Variants in SLC25A48 observed in about 807,000 individuals in gnomAD.
SLC25A48 encodes solute carrier family 25 member 48.
A neutral mutation model predicts 32.2 loss-of-function variants in SLC25A48; 29 were observed. That is an observed-to-expected ratio of 0.90 (90% CI 0.67 to 1.23). The LOEUF (loss-of-function observed/expected upper bound fraction) is 1.23, where lower values mean the gene tolerates loss of function less well. SLC25A48 is among the 50% of genes most tolerant of loss of function. The pLI, the probability that SLC25A48 is intolerant of heterozygous loss-of-function variation, is 0.00. For synonymous variants in SLC25A48, 164 were observed against 172.3 expected (o/e 0.95, Z 0.38); for missense variants, 399 against 422.7 (o/e 0.94, Z 0.49).
At chr5:135,708,225 A>G (rs1253650646) in intron 3 of SLC25A48, among the ~76,000 whole-genome samples, 2 of 152,188 alleles carry the variant, frequency 1.3e-5, no homozygotes, top group African/African-American at 2.4e-5. Flanking sequence ...AACCACACCT[A>G]TGTACCCATC....
At chr5:135,882,200 T>C (rs1230336305) in intron 7 of SLC25A48, among the ~76,000 whole-genome samples, 1 of 152,264 alleles carries the variant, frequency 6.6e-6, no homozygotes, top group Non-Finnish European at 1.5e-5. Flanking sequence ...TATTGCCTCC[T>C]GGTGGGAGAG....
At chr5:135,661,639 A>G (rs1345224944) in intron 3 of SLC25A48, among the ~76,000 whole-genome samples, 1 of 152,164 alleles carries the variant, frequency 6.6e-6, no homozygotes, top group Non-Finnish European at 1.5e-5. Context: ...AGGAGTAACC[A>G]CTATCAACTG....
intron 1 of SLC25A48, among the ~76,000 whole-genome samples, chr5:135,611,237 C>T (rs924650919): frequency 2.6e-5 from 4 of 152,044 alleles, no homozygotes; most frequent in African/African-American, 2.4e-5. Flanking sequence ...GGCCGGGGTG[C>T]GGTGACTTGT....
intron 4 of SLC25A48, among the ~76,000 whole-genome samples, chr5:135,867,111 T>C (rs1761262796): frequency 6.6e-6 from 1 of 152,232 alleles, no homozygotes; most frequent in South Asian, 2.1e-4. Flanking sequence ...ATTTGATTAA[T>C]GTTTTAATCC....
chr5:135,730,294 A>G (rs2126990962), intron 3 of SLC25A48, among the ~76,000 whole-genome samples: 1 of 152,234 alleles, frequency 6.6e-6, no homozygotes, highest in Non-Finnish European at 1.5e-5. Context: ...AAGGTAGTTG[A>G]CTCATGGGGG....
chr5:135,722,276 T>C (rs1209344530), intron 3 of SLC25A48, among the ~76,000 whole-genome samples: 1 of 152,202 alleles, frequency 6.6e-6, no homozygotes, highest in Non-Finnish European at 1.5e-5. Flanking sequence ...GCCAGGCTGT[T>C]TGGGTGTTTG....
intron 4 of SLC25A48, among the ~76,000 whole-genome samples, chr5:135,817,907 T>C (rs1057268261): frequency 5.3e-5 from 8 of 152,180 alleles, no homozygotes; most frequent in African/African-American, 1.9e-4. Context: ...CCACTTACTA[T>C]ACCAAAAACT....
intron 3 of SLC25A48, among the ~76,000 whole-genome samples, chr5:135,693,644 TG>T (rs1381861115): frequency 6.6e-6 from 1 of 152,210 alleles, no homozygotes; most frequent in Non-Finnish European, 1.5e-5. Flanking sequence ...TGTTACCACC[TG>T]ACACCACCCG....
At chr5:135,868,563 CA>C (rs1160916235) in intron 4 of SLC25A48, among the ~76,000 whole-genome samples, 1 of 152,008 alleles carries the variant, frequency 6.6e-6, no homozygotes, top group Non-Finnish European at 1.5e-5. Flanking sequence ...TATTTTTCAA[CA>C]TATTTAGGGG....
chr5:135,683,375 A>G (rs1753944007), intron 3 of SLC25A48, among the ~76,000 whole-genome samples: 2 of 152,230 alleles, frequency 1.3e-5, no homozygotes, highest in Admixed American at 1.3e-4. Flanking sequence ...CTCTCACTGG[A>G]AAGTCCCAAT....
chr5:135,827,383 A>T (rs1409128556), intron 4 of SLC25A48: 1 of 152,228 alleles, frequency 6.6e-6, no homozygotes, highest in Non-Finnish European at 1.5e-5. Context: ...AGAAAGAGAG[A>T]GAAATCAATC....
upstream of SLC25A48, among the ~76,000 whole-genome samples, chr5:135,833,623 C>T (rs1758287581): frequency 6.6e-6 from 1 of 152,132 alleles, no homozygotes; most frequent in Admixed American, 6.5e-5. Flanking sequence ...TTCCACTCCT[C>T]CCTGGAACTT....
intron 3 of SLC25A48, among the ~76,000 whole-genome samples, chr5:135,726,525 A>G (rs1265229210): frequency 6.6e-6 from 1 of 152,032 alleles, no homozygotes; most frequent in Non-Finnish European, 1.5e-5. Flanking sequence ...CATGTCTGTA[A>G]TTTTGTCATT....
intron 4 of SLC25A48, among the ~76,000 whole-genome samples, chr5:135,820,700 G>A (rs1300428595): frequency 6.6e-6 from 1 of 152,164 alleles, no homozygotes; most frequent in Non-Finnish European, 1.5e-5. Context: ...TTCAAATCAG[G>A]TTAGGGACAA....
At chr5:135,867,355 C>A (rs886112946) in intron 4 of SLC25A48, among the ~76,000 whole-genome samples, 1 of 152,124 alleles carries the variant, frequency 6.6e-6, no homozygotes, top group African/African-American at 2.4e-5. Flanking sequence ...GTGCATATTT[C>A]CAAGACTGAC....
intron 1 of SLC25A48, among the ~76,000 whole-genome samples, chr5:135,604,130 AACAGAGG>A (rs573440370): frequency 2.6e-3 from 395 of 152,302 alleles, no homozygotes; most frequent in African/African-American, 8.9e-3. Flanking sequence ...CAGGTGAGAA[AACAGAGG>A]TTTAGCAAGC....
chr5:135,851,314 T>C (rs540178656), intron 3 of SLC25A48, among the ~76,000 whole-genome samples: 16 of 152,244 alleles, frequency 1.1e-4, no homozygotes, highest in Middle Eastern at 3.4e-3. Context: ...TGCTTTAAAA[T>C]TGGGGCGAGC....
chr5:135,874,872 G>T (rs1013681184), intron 6 of SLC25A48: 9 of 489,680 alleles, frequency 1.8e-5, no homozygotes, highest in Non-Finnish European at 3.2e-5. Flanking sequence ...CGGGCTCCTT[G>T]CTTTCTTGGT....
chr5:135,838,044 A>C (rs778227411), intron 1 of SLC25A48, among the ~76,000 whole-genome samples: 1 of 152,230 alleles, frequency 6.6e-6, no homozygotes, highest in Non-Finnish European at 1.5e-5. Context: ...GGTTTTGACC[A>C]AAATGCTGGT....
Sources: allele counts gnomAD v4.1 joint callset (sites outside exome capture counted in the v4.1 genomes callset), GRCh38; gene constraint gnomAD v4.1.1; transcripts MANE v1.5; gene names NCBI Gene and HGNC (gene_info 2026-07-23, HGNC 2026-07-21).